Variants in GREB1 observed in about 807,000 individuals in gnomAD.
The protein encoded by GREB1 is growth regulating estrogen receptor binding 1.
GREB1 carries 106 observed loss-of-function variants against 200.7 expected under a neutral mutation model. The observed-to-expected ratio is 0.53, with a 90% CI of 0.45 to 0.62. The LOEUF is 0.62. GREB1 is among the 20% of genes least tolerant of loss of function. The pLI is 0.00. For synonymous variants in GREB1, 1,132 were observed against 1,092.4 expected, an observed-to-expected ratio of 1.04 and a Z score of -0.72; for missense variants, 2,243 against 2,556.8, an observed-to-expected ratio of 0.88 and a Z score of 2.65.
chr2:11,527,496 G>A (rs950395864), intron 1 of GREB1, among the ~76,000 whole-genome samples: 1 of 152,116 alleles, frequency 6.6e-6, no homozygotes, highest in Non-Finnish European at 1.5e-5. Flanking sequence ...ACTTCACGAG[G>A]GACCGAGCTG....
At chr2:11,611,345 C>T (rs1345159248) in intron 18 of GREB1, among the ~76,000 whole-genome samples, 2 of 152,194 alleles carry the variant, frequency 1.3e-5, no homozygotes, top group Non-Finnish European at 1.5e-5. Flanking sequence ...CAGGGTCTCA[C>T]TCTGTGGCCC....
Position 11,632,128 on chromosome 2 carries a change from A to C in GREB1, c.4816+15A>C, listed in dbSNP as rs376690572. The C allele has an allele frequency of 3.2e-6, 5 of 1,573,954 alleles. No homozygotes were observed. The East Asian group carries it at 1.1e-4, about 35-fold the overall frequency. Reference sequence around the variant, plus strand: ...TGCTGGAGTTGGTGAGTGTCCTTTAACATCATCTACTCAGTCAAACTCCTG... The same window carrying C: ...TGCTGGAGTTGGTGAGTGTCCTTTACCATCATCTACTCAGTCAAACTCCTG... On this transcript the variant is annotated intron_variant, in intron 27 of 32. Transcript: ENST00000381486.
chr2:11,498,176 C>T, intron 1 of GREB1, among the ~76,000 whole-genome samples: 1 of 151,660 alleles, frequency 6.6e-6, no homozygotes, highest in East Asian at 1.9e-4. Flanking sequence ...AATTTTAAAA[C>T]TCCTTAGGCC....
intron 15 of GREB1, among the ~76,000 whole-genome samples, chr2:11,599,823 G>T (rs1467886247): frequency 2.0e-5 from 3 of 152,300 alleles, no homozygotes; most frequent in Non-Finnish European, 4.4e-5. Flanking sequence ...CCCGGCTGAT[G>T]CCTGCCCTTC....
Position 11,630,098 on chromosome 2 carries a change from G to A in GREB1, c.4600G>A (p.Val1534Met), listed in dbSNP as rs755257895. The part of the protein sequence containing the change: ...GQLESMRLPL[V>M]TDKSHEYIKS... ...GCTGGAGAGCATGCGACTACCCCTC[G>A]TGACAGACAAGGTACTGGCTCAGAG... The change falls in exon 26 of 33, where the codon GTG (valine) becomes ATG (methionine). Residue 1534 changes from valine to methionine, a missense_variant. Physicochemically the swap from Val to Met is conservative, Grantham distance 21 (BLOSUM62 1). Coordinates refer to ENST00000381486, the MANE Select transcript of GREB1 (RefSeq NM_014668.4). The A allele has an allele frequency of 4.3e-6, 7 of 1,613,998 alleles. No homozygotes were observed. The highest frequency in any genetic ancestry group is 1.6e-4 in the Middle Eastern group (1 of 6,084).
intron 4 of GREB1, among the ~76,000 whole-genome samples, chr2:11,573,471 A>G (rs919546035): frequency 1.3e-5 from 2 of 152,214 alleles, no homozygotes; most frequent in Non-Finnish European, 2.9e-5. Flanking sequence ...TAGACTTTCA[A>G]GTCCTAAGGT....
chr2:11,501,445 G>A (rs1392917103), intron 1 of GREB1, among the ~76,000 whole-genome samples: 2 of 152,226 alleles, frequency 1.3e-5, no homozygotes, highest in Admixed American at 1.3e-4. Flanking sequence ...CCTGGCTGGA[G>A]TGCAGTGGTG....
At chr2:11,532,514 GA>G (rs1179519038), upstream of GREB1, among the ~76,000 whole-genome samples, 2 of 152,122 alleles carry the variant, frequency 1.3e-5, no homozygotes, top group African/African-American at 4.8e-5. Flanking sequence ...CTTTAGCAGT[GA>G]AAAAAAGTGT....
rs1053477533 is a variant in GREB1 at position 11,640,668 on chromosome 2, C to T, written c.*214C>T. 2 of 566,546 alleles carry T rather than the reference C, an allele frequency of 3.5e-6. No individual in the cohort carries two copies. Among genetic ancestry groups the T allele is most frequent in the Non-Finnish European group, 6.1e-6 (2 of 326,086 alleles). The allele number at this position is 566,546 out of a possible 1,614,324, so 35.1% of individuals were successfully genotyped here. ...GGTGAGAATGAAAACTTGAGACTCC[C>T]AAGTTCTGGGCCAGCCCATTGCTCT... On this transcript the variant is annotated 3_prime_UTR_variant, in exon 33 of 33. Transcript: ENST00000381486. The surrounding 1 kb of genome is among the most constrained non-coding windows in gnomAD (Gnocchi z 4.6).
Position 11,485,261 on chromosome 2 carries a change from A to ATTT in GREB1, c.-159+2881_-159+2882insTTT, listed in dbSNP as rs1180820409. ...CATTTATTTTATTTTATTTTATTTT[A>ATTT]TATATATATATGTATTTTTTTTTTT... is the stretch of plus-strand genomic sequence containing the variant. On this transcript the variant is annotated intron_variant, in intron 1 of 2. Coordinates refer to the GREB1 transcript ENST00000628795. Among the ~76,000 whole-genome samples the ATTT allele has an allele frequency of 8.8e-3, 1,033 of 117,266 alleles. 12 individuals carry two copies. The highest frequency in any genetic ancestry group is 0.031 in the African/African-American group (977 of 31,944). The allele number at this position is 117,266 out of a possible 152,430, so 76.9% of individuals were successfully genotyped here.
intron 1 of GREB1, among the ~76,000 whole-genome samples, chr2:11,527,228 G>C (rs1312653061): frequency 6.6e-6 from 1 of 151,836 alleles, no homozygotes; most frequent in Non-Finnish European, 1.5e-5. Flanking sequence ...CTATCATGCG[G>C]TCAAAAAAAA....
chr2:11,580,830 T>A lies in GREB1; in HGVS notation c.899T>A (p.Leu300Ter). The change falls in exon 7 of 33, where the codon TTA (leucine) becomes TAA (stop). Residue 300 changes from leucine (L) to a stop codon, truncating the protein, a stop_gained and splice_region_variant. Coordinates refer to ENST00000381486, the MANE Select transcript of GREB1 (RefSeq NM_014668.4). LOFTEE classifies it high-confidence loss of function. This position sits in a 1 kb window ranked among gnomAD's most constrained non-coding sequence, Gnocchi z 4.5. ...TTGGCCCTGCCGCGACCATCGGCTT[T>A]AGGTAGCTCTGCCTGTCCTGGCCGT... ...NLLALPRPSA[L>*]GILSNSGPPK... 5.0e-6 allele frequency: 8 copies of A among 1,614,250 alleles called. No individual in the cohort carries two copies. Among genetic ancestry groups the A allele is most frequent in the Non-Finnish European group, 6.8e-6 (8 of 1,180,042 alleles).
At chr2:11,562,714 G>C in intron 3 of GREB1, 132 bp downstream of exon 3, 1 of 1,130,534 alleles carries the variant, frequency 8.8e-7, no homozygotes, top group Non-Finnish European at 1.2e-6. Context: ...TTTCCCTGAG[G>C]TGTGAGCCAT....
chr2:11,630,872 A>G (rs1684822374), intron 26 of GREB1, among the ~76,000 whole-genome samples: 1 of 152,326 alleles, frequency 6.6e-6, no homozygotes. Context: ...CTCTTTAACC[A>G]GCCCCGCTCA....
At chr2:11,589,164 C>G (rs909527264) in intron 10 of GREB1, among the ~76,000 whole-genome samples, 2 of 152,202 alleles carry the variant, frequency 1.3e-5, no homozygotes, top group Non-Finnish European at 2.9e-5. Context: ...ATCTGCCATT[C>G]TAGGCACAGG....
intron 17 of GREB1, among the ~76,000 whole-genome samples, chr2:11,604,423 A>G (rs1037135071): frequency 2.6e-5 from 4 of 152,204 alleles, no homozygotes; most frequent in Admixed American, 6.5e-5. Flanking sequence ...CCTGGCACAC[A>G]TTACATGCTT....
rs1448113496 is a variant in GREB1, at chr2:11,562,508, G to C, written c.203G>C (p.Gly68Ala). Residue 68 changes from glycine to alanine, a missense_variant, in exon 3 of 33, where the codon GGA (glycine) becomes GCA (alanine). This residue lies in a region of GREB1 where 1,178 missense variants were observed against 1,387.4 expected (regional missense o/e 0.85). Coordinates refer to ENST00000381486, the MANE Select transcript of GREB1 (RefSeq NM_014668.4). ...DNEEEEEEGE[G>A]GLETNGPPNP... Reference sequence around the variant, plus strand: ...GAGGAAGAGGAAGAAGAGGGAGAAGGAGGGCTGGAAACAAATGGCCCCCCA... The same window carrying C: ...GAGGAAGAGGAAGAAGAGGGAGAAGCAGGGCTGGAAACAAATGGCCCCCCA... 6.2e-7 allele frequency: 1 copy of C among 1,607,842 alleles called. No individual in the cohort carries two copies.
rs1448713077 is a variant in GREB1 at position 11,615,071 on chromosome 2, CT to C, written c.3123-18del. 1 of 1,588,508 alleles carries C rather than the reference CT, an allele frequency of 6.3e-7. No homozygotes were observed. Among genetic ancestry groups the C allele is most frequent in the African/African-American group, 1.3e-5 (1 of 74,452 alleles). ...CTTGTGGAAGGCACTAAACAGACAC[CT>C]TCTTCTGTGTCTTGCTAGGTCTTTG... is the stretch of plus-strand genomic sequence containing the variant. On this transcript the variant is annotated intron_variant, in intron 19 of 32. Coordinates refer to ENST00000381486, the MANE Select transcript of GREB1 (RefSeq NM_014668.4).
chr2:11,572,967 G>T (rs111854822), intron 4 of GREB1, among the ~76,000 whole-genome samples: 1 of 152,170 alleles, frequency 6.6e-6, no homozygotes, highest in African/African-American at 2.4e-5. Flanking sequence ...AAATGAGAAC[G>T]TTTATAATGT....
Sources: allele counts gnomAD v4.1 joint callset (sites outside exome capture counted in the v4.1 genomes callset), GRCh38; gene constraint gnomAD v4.1.1; regional missense constraint gnomAD v4.1.1; non-coding constraint Gnocchi (gnomAD v3.1); transcripts MANE v1.5; gene names NCBI Gene and HGNC (gene_info 2026-07-23, HGNC 2026-07-21).